MACROD2: variants seen among roughly 807,000 people sequenced by gnomAD.
MACROD2 encodes the protein ADP-ribose glycohydrolase MACROD2.
A neutral mutation model predicts 70.4 loss-of-function variants in MACROD2; 36 were observed. The observed-to-expected ratio is 0.51, with a 90% CI of 0.39 to 0.68. The LOEUF is 0.68. Ranked by LOEUF, MACROD2 falls within the 30% of genes least tolerant of loss-of-function variation. The pLI, the probability that MACROD2 is intolerant of heterozygous loss-of-function variation, is 0.00. For synonymous variants in MACROD2, 172 were observed against 178.8 expected (o/e 0.96, Z 0.30); for missense variants, 496 against 538.4 (o/e 0.92, Z 0.78).
intron 8 of MACROD2, among the ~76,000 whole-genome samples, chr20:15,588,709 TA>T (rs1179208745): frequency 3.3e-5 from 5 of 152,196 alleles, no homozygotes; most frequent in African/African-American, 1.2e-4. Context: ...TGCTAAAACA[TA>T]ACAAGAGTCA....
At chr20:15,900,261 G>A (rs1305974322) in intron 10 of MACROD2, among the ~76,000 whole-genome samples, 1 of 152,158 alleles carries the variant, frequency 6.6e-6, no homozygotes, top group Non-Finnish European at 1.5e-5. Context: ...TCCAGGAAAA[G>A]CAGCTTTCCC....
intron 5 of MACROD2, among the ~76,000 whole-genome samples, chr20:15,189,132 T>A (rs1052532595): frequency 7.9e-5 from 12 of 152,138 alleles, no homozygotes; most frequent in Non-Finnish European, 1.8e-4. Context: ...AATCCATGAT[T>A]TATCATGCCA....
chr20:14,237,925 T>C (rs2122225544), intron 3 of MACROD2, among the ~76,000 whole-genome samples: 1 of 152,222 alleles, frequency 6.6e-6, no homozygotes, highest in Non-Finnish European at 1.5e-5. Flanking sequence ...GTGCCACATT[T>C]TCTTAATCCA....
intron 5 of MACROD2, among the ~76,000 whole-genome samples, chr20:15,192,086 A>G (rs1030022869): frequency 1.3e-5 from 2 of 151,214 alleles, no homozygotes; most frequent in Non-Finnish European, 2.9e-5. Context: ...CTCTCCATAT[A>G]TATTAGTTTA....
At position 15,417,830 on chromosome 20, in the gene MACROD2, G is replaced by C. The variant is rs554933314; in HGVS notation, c.541-13575G>C. Among the ~76,000 whole-genome samples, 194 of 151,940 alleles carry C rather than the reference G, an allele frequency of 1.3e-3. 1 individual carries two copies. Among genetic ancestry groups the C allele is most frequent in the African/African-American group, 4.7e-3 (193 of 41,454 alleles). On this transcript the variant is annotated intron_variant, in intron 6 of 17. Coordinates refer to ENST00000684519, the MANE Select transcript of MACROD2 (RefSeq NM_001351661.2). ...AGGATATTTTTCTTCTGTTTTTTTG[G>C]GAGAAAGTCACACTAATCTTCAGTT... is the stretch of plus-strand genomic sequence containing the variant.
chr20:13,995,850 G>GGGT lies in MACROD2; in HGVS notation c.46+41_46+42insGGT. 6 of 505,088 alleles carry GGGT rather than the reference G, an allele frequency of 1.2e-5. No individual in the cohort carries two copies. The highest frequency in any genetic ancestry group is 6.3e-5 in the East Asian group (1 of 15,812). 31.3% of individuals were successfully genotyped at this position (505,088 alleles called of 1,614,324 possible). A position where few individuals can be genotyped will look rare whatever the true frequency, so the allele number is the denominator to read the frequency against. On this transcript the variant is annotated intron_variant, in intron 1 of 17. Transcript: ENST00000684519. This position sits in a 1 kb window ranked among gnomAD's most constrained non-coding sequence, Gnocchi z 4.3. Reference sequence around the variant, plus strand: ...AGTCCTGGGGGTGCGGGCGGTGGGGGTTAGGGTGGGGGCGGGGGTCAGGCT... The same window carrying GGGT: ...AGTCCTGGGGGTGCGGGCGGTGGGGGGGTTTAGGGTGGGGGCGGGGGTCAGGCT...
intron 15 of MACROD2, among the ~76,000 whole-genome samples, chr20:16,017,627 A>G (rs2147543448): frequency 6.6e-6 from 1 of 152,284 alleles, no homozygotes; most frequent in East Asian, 1.9e-4. Flanking sequence ...ACCTCCTTGA[A>G]TAAGCCAAGC....
intron 6 of MACROD2, among the ~76,000 whole-genome samples, chr20:15,238,801 C>T (rs925181841): frequency 1.3e-5 from 2 of 152,250 alleles, no homozygotes; most frequent in African/African-American, 4.8e-5. Flanking sequence ...GATTTGTCAA[C>T]ATAATTATTT....
chr20:14,254,823 G>A (rs1246486240), intron 3 of MACROD2, among the ~76,000 whole-genome samples: 10 of 152,232 alleles, frequency 6.6e-5, no homozygotes, highest in South Asian at 4.1e-4. Flanking sequence ...AGTTGATGCA[G>A]TTTCTTCCTA....
chr20:15,725,760 A>G (rs1275449522), intron 8 of MACROD2, among the ~76,000 whole-genome samples: 1 of 151,902 alleles, frequency 6.6e-6, no homozygotes, highest in Admixed American at 6.6e-5. Context: ...TAGAATCCAG[A>G]TATCTATATG....
intron 8 of MACROD2, among the ~76,000 whole-genome samples, chr20:15,842,509 G>A (rs1328887054): frequency 1.4e-5 from 2 of 139,926 alleles, no homozygotes; most frequent in African/African-American, 2.7e-5. Context: ...AAAGAAATTG[G>A]CTAATGTTAA....
chr20:14,373,070 A>G (rs557173143), intron 3 of MACROD2, among the ~76,000 whole-genome samples: 54 of 152,290 alleles, frequency 3.5e-4, no homozygotes, highest in African/African-American at 1.2e-3. Context: ...TATAGTCTCT[A>G]AGGGACACAT....
intron 8 of MACROD2, among the ~76,000 whole-genome samples, chr20:15,798,308 G>C (rs1478997943): frequency 6.6e-6 from 1 of 152,130 alleles, no homozygotes; most frequent in African/African-American, 2.4e-5. Context: ...GGAATCAGCT[G>C]GAAGCTCCTT....
intron 4 of MACROD2, among the ~76,000 whole-genome samples, chr20:14,616,055 A>G (rs1983460105): frequency 6.6e-6 from 1 of 152,138 alleles, no homozygotes; most frequent in Non-Finnish European, 1.5e-5. Context: ...AAGTGTGACC[A>G]AGGTTTTTAT....
chr20:15,377,429 T>C (rs765308955), intron 6 of MACROD2, among the ~76,000 whole-genome samples: 1 of 152,224 alleles, frequency 6.6e-6, no homozygotes, highest in Non-Finnish European at 1.5e-5. Context: ...AATTGAGAAC[T>C]GAAATCTGAA....
intron 3 of MACROD2, among the ~76,000 whole-genome samples, chr20:14,214,289 T>A (rs1468237479): frequency 6.6e-6 from 1 of 152,114 alleles, no homozygotes; most frequent in East Asian, 1.9e-4. Context: ...CTAAAAGGCA[T>A]TAAAAGAAAA....
intron 5 of MACROD2, among the ~76,000 whole-genome samples, chr20:15,052,573 TCA>T (rs1182057631): frequency 1.3e-5 from 2 of 152,170 alleles, no homozygotes; most frequent in African/African-American, 2.4e-5. Flanking sequence ...TCATAAAAGG[TCA>T]CAAACTTAAT....
intron 3 of MACROD2, among the ~76,000 whole-genome samples, chr20:14,334,270 T>C (rs2082896592): frequency 1.3e-5 from 2 of 152,214 alleles, no homozygotes; most frequent in African/African-American, 4.8e-5. Flanking sequence ...AATTGAGTGA[T>C]GTCGATCTGT....
At chr20:15,383,999 CA>C (rs2045678156) in intron 6 of MACROD2, among the ~76,000 whole-genome samples, 1 of 151,960 alleles carries the variant, frequency 6.6e-6, no homozygotes, top group Non-Finnish European at 1.5e-5. Flanking sequence ...TCTACTTTGT[CA>C]AAAACATGTA....
Sources: allele counts gnomAD v4.1 joint callset (sites outside exome capture counted in the v4.1 genomes callset), GRCh38; gene constraint gnomAD v4.1.1; non-coding constraint Gnocchi (gnomAD v3.1); transcripts MANE v1.5; gene names NCBI Gene and HGNC (gene_info 2026-07-23, HGNC 2026-07-21).